The following METTL15 variants were observed in gnomAD, a reference collection of about 807,000 sequenced individuals.
The protein encoded by METTL15 is 12S rRNA N(4)-cytidine methyltransferase METTL15.
In METTL15, 34 loss-of-function variants were observed where a neutral mutation model predicts 38.3. The observed-to-expected ratio is 0.89, with a 90% confidence interval of 0.68 to 1.18. METTL15 has a LOEUF of 1.18. METTL15 is among the 50% of genes most tolerant of loss of function. The probability of loss-of-function intolerance (pLI) is 0.00; values close to 1 mark genes in which losing one functional copy is unlikely to be tolerated. For synonymous variants in METTL15, 162 were observed against 170.9 expected (o/e 0.95, Z 0.41); for missense variants, 438 against 498.4 (o/e 0.88, Z 1.15).
intron 5 of METTL15, among the ~76,000 whole-genome samples, chr11:28,396,516 A>G (rs915054423): frequency 1.3e-5 from 2 of 152,162 alleles, no homozygotes; most frequent in Admixed American, 6.5e-5. Context: ...TAAAATACCT[A>G]GGAATCCAAC....
intron 6 of METTL15, among the ~76,000 whole-genome samples, chr11:28,446,300 C>T (rs1020332223): frequency 2.6e-5 from 4 of 152,028 alleles, no homozygotes; most frequent in African/African-American, 9.7e-5. Flanking sequence ...TCTAGATGTG[C>T]CAGTCTATTT....
chr11:28,172,352 AT>A (rs1850890167), intron 3 of METTL15, among the ~76,000 whole-genome samples: 2 of 152,170 alleles, frequency 1.3e-5, no homozygotes, highest in African/African-American at 4.8e-5. Context: ...ATGAAATTTC[AT>A]TAATAGAGTC....
At chr11:28,416,774 A>G (rs1167128719) in intron 5 of METTL15, among the ~76,000 whole-genome samples, 2 of 152,194 alleles carry the variant, frequency 1.3e-5, no homozygotes, top group Non-Finnish European at 2.9e-5. Context: ...TGTGTTTGCC[A>G]GGAGTTCCAA....
intron 6 of METTL15, among the ~76,000 whole-genome samples, chr11:28,458,583 C>T (rs1851189477): frequency 6.6e-6 from 1 of 152,184 alleles, no homozygotes; most frequent in Admixed American, 6.5e-5. Flanking sequence ...GTGCTATCTT[C>T]ATGAAGCTGC....
intron 6 of METTL15, among the ~76,000 whole-genome samples, chr11:28,496,065 G>A (rs192570085): frequency 7.3e-4 from 111 of 152,258 alleles, no homozygotes; most frequent in Admixed American, 1.6e-3. Flanking sequence ...TCAATAATAT[G>A]CTGCAAAAAT....
chr11:28,378,221 A>G (rs1480513451), intron 5 of METTL15, among the ~76,000 whole-genome samples: 1 of 152,208 alleles, frequency 6.6e-6, no homozygotes, highest in Admixed American at 6.5e-5. Context: ...TTACCTAAGC[A>G]AGCTTGGGCA....
intron 4 of METTL15, among the ~76,000 whole-genome samples, chr11:28,359,927 G>A (rs1255467316): frequency 6.6e-6 from 1 of 152,162 alleles, no homozygotes; most frequent in Non-Finnish European, 1.5e-5. Flanking sequence ...GTTCGAAACT[G>A]TTGCTCTGAT....
At chr11:28,354,912 A>T (rs770563077) in intron 4 of METTL15, among the ~76,000 whole-genome samples, 44 of 152,322 alleles carry the variant, frequency 2.9e-4, no homozygotes, top group Non-Finnish European at 6.2e-4. Context: ...AATGGGTGGG[A>T]TACTGAGGCT....
chr11:28,503,418 T>C (rs1190958005), intron 6 of METTL15, among the ~76,000 whole-genome samples: 2 of 152,216 alleles, frequency 1.3e-5, no homozygotes, highest in Admixed American at 6.5e-5. Flanking sequence ...AGATAGACAC[T>C]ATTCTCAACA....
chr11:28,438,769 G>A (rs1464115399), intron 6 of METTL15, among the ~76,000 whole-genome samples: 1 of 147,780 alleles, frequency 6.8e-6, no homozygotes, highest in East Asian at 2.0e-4. Flanking sequence ...CCGCCTCCCA[G>A]GTTCAAACAA....
At chr11:28,480,068 G>A (rs1233029216) in intron 6 of METTL15, among the ~76,000 whole-genome samples, 1 of 152,190 alleles carries the variant, frequency 6.6e-6, no homozygotes, top group African/African-American at 2.4e-5. Flanking sequence ...TCATTTGTCA[G>A]TGTTGTATGT....
chr11:28,222,395 G>C (rs138986915), intron 4 of METTL15, among the ~76,000 whole-genome samples: 1 of 152,164 alleles, frequency 6.6e-6, no homozygotes, highest in South Asian at 2.1e-4. Context: ...TGCTAAGACC[G>C]TCAGAAAAGC....
intron 4 of METTL15, among the ~76,000 whole-genome samples, chr11:28,273,808 T>G (rs1855739340): frequency 6.6e-6 from 1 of 152,068 alleles, no homozygotes; most frequent in Non-Finnish European, 1.5e-5. Context: ...GTATAGGAAG[T>G]GAAATCTCAC....
At chr11:28,221,336 G>T (rs970514355) in intron 4 of METTL15, among the ~76,000 whole-genome samples, 1 of 151,960 alleles carries the variant, frequency 6.6e-6, no homozygotes, top group Non-Finnish European at 1.5e-5. Flanking sequence ...GATACCCTTT[G>T]ATCCAGTTGA....
chr11:28,287,144 G>T (rs766807218), intron 4 of METTL15: 25 of 144,772 alleles, frequency 1.7e-4, no homozygotes, highest in South Asian at 4.2e-4. Context: ...TATATATAGA[G>T]AGAGAGAGAC....
rs1414877846 is a variant in METTL15, at chr11:28,429,555, C to T, written c.*424+5191C>T. Among the ~76,000 whole-genome samples, 34 of 101,144 alleles carry T rather than the reference C, an allele frequency of 3.4e-4. 2 individuals carry two copies. Among genetic ancestry groups the T allele is most frequent in the East Asian group, 8.0e-4 (3 of 3,772 alleles). 66.4% of individuals were successfully genotyped at this position (101,144 alleles called of 152,430 possible). ...ACTGGTTTTGGTGGAGACGGGGTTT[C>T]GCTGTGTTGGCCGGGCCGGTCTCCA... is the stretch of plus-strand genomic sequence containing the variant. On this transcript the variant is annotated intron_variant and NMD_transcript_variant, in intron 6 of 7. Coordinates refer to the METTL15 transcript ENST00000532947.
At chr11:28,165,647 A>T (rs1850632404) in intron 3 of METTL15, among the ~76,000 whole-genome samples, 1 of 151,980 alleles carries the variant, frequency 6.6e-6, no homozygotes, top group Admixed American at 6.6e-5. Flanking sequence ...CTGTGTAAAA[A>T]CATTTTAGTT....
chr11:28,400,005 T>C (rs1426558071), intron 5 of METTL15, among the ~76,000 whole-genome samples: 2 of 151,934 alleles, frequency 1.3e-5, no homozygotes, highest in African/African-American at 2.4e-5. Flanking sequence ...AATAAGACTT[T>C]AAAGAAATTC....
intron 6 of METTL15, among the ~76,000 whole-genome samples, chr11:28,483,058 C>T (rs1416539192): frequency 2.0e-5 from 3 of 151,932 alleles, no homozygotes; most frequent in Non-Finnish European, 4.4e-5. Flanking sequence ...ATGCTGCTAA[C>T]CAGTCCCAAA....
Sources: allele counts gnomAD v4.1 joint callset (sites outside exome capture counted in the v4.1 genomes callset), GRCh38; gene constraint gnomAD v4.1.1; transcripts MANE v1.5; gene names NCBI Gene and HGNC (gene_info 2026-07-23, HGNC 2026-07-21).